FARP1: variants seen among roughly 807,000 people sequenced by gnomAD.
FARP1 encodes the protein FERM, ARH/RhoGEF and pleckstrin domain protein 1, also known as FERM, ARHGEF and pleckstrin domain-containing protein 1.
FARP1 carries 52 observed loss-of-function variants against 128.8 expected under a neutral mutation model. That is an observed-to-expected ratio of 0.40 (90% CI 0.32 to 0.51). FARP1 has a LOEUF of 0.51. Among genes scored for constraint, FARP1 ranks in the 20% least tolerant of loss-of-function variants. The probability of loss-of-function intolerance (pLI) is 0.45; values close to 1 mark genes in which losing one functional copy is unlikely to be tolerated. For missense variants in FARP1, 1,333 were observed against 1,367.9 expected (o/e 0.97, Z 0.40); for synonymous variants, 580 against 551.8 (o/e 1.05, Z -0.72).
chr13:98,406,642 G>T (rs905771237), intron 13 of FARP1: 3 of 152,256 alleles, frequency 2.0e-5, no homozygotes, highest in African/African-American at 7.2e-5. Flanking sequence ...GCCCCCAGCA[G>T]CCTGTGGGCT....
chr13:98,365,281 G>A (rs1484211214), intron 3 of FARP1, 114 bp from the exon 4 acceptor site: 7 of 705,186 alleles, frequency 9.9e-6, no homozygotes, highest in South Asian at 4.2e-5. Flanking sequence ...TGGAACAGGC[G>A]GCCTCATATC....
chr13:98,291,673 C>G (rs1244432861), intron 2 of FARP1, among the ~76,000 whole-genome samples: 1 of 152,166 alleles, frequency 6.6e-6, no homozygotes, highest in Non-Finnish European at 1.5e-5. Context: ...GGAGTCACTC[C>G]TTGTACTCCC....
At chr13:98,295,626 C>A (rs1211063455) in intron 2 of FARP1, among the ~76,000 whole-genome samples, 3 of 152,068 alleles carry the variant, frequency 2.0e-5, no homozygotes, top group Non-Finnish European at 4.4e-5. Context: ...TGATCTTGTT[C>A]CATAAAGCAT....
intron 1 of FARP1, among the ~76,000 whole-genome samples, chr13:98,152,238 G>C (rs1876065683): frequency 6.6e-6 from 1 of 152,170 alleles, no homozygotes; most frequent in Non-Finnish European, 1.5e-5. Flanking sequence ...TAATTAGACT[G>C]CTGCAGCCTA....
At chr13:98,416,700 C>T (rs1364453321) in intron 16 of FARP1, among the ~76,000 whole-genome samples, 2 of 152,156 alleles carry the variant, frequency 1.3e-5, no homozygotes, top group African/African-American at 2.4e-5. Context: ...GTCAGGACTC[C>T]CAAATGCCAG....
In FARP1 at chr13:98,452,221, T is replaced by C. The variant is rs531634613; in HGVS notation, c.*3904T>C. On this transcript the variant is annotated 3_prime_UTR_variant, in exon 27 of 27. Transcript: ENST00000319562. ...ACATTTTTAGGTGGGAAAGATGATA[T>C]GCAGAATCCACTACAAGGTGCAACA... 7 of 152,328 alleles carry C rather than the reference T, an allele frequency of 4.6e-5. No homozygotes were observed. In the South Asian group the frequency reaches 1.0e-3, roughly 23 times the overall value. The allele number at this position is 152,328 out of a possible 1,614,324, so 9.4% of individuals were successfully genotyped here.
At chr13:98,367,266 C>T (rs1472797997) in intron 4 of FARP1, among the ~76,000 whole-genome samples, 1 of 152,114 alleles carries the variant, frequency 6.6e-6, no homozygotes, top group Non-Finnish European at 1.5e-5. Context: ...AAATGAGTCT[C>T]ATGCCTCAGC....
At chr13:98,278,237 ATGT>A (rs534389891) in intron 2 of FARP1, among the ~76,000 whole-genome samples, 129 of 149,978 alleles carry the variant, frequency 8.6e-4, no homozygotes, top group African/African-American at 2.9e-3. Flanking sequence ...GTGTGAGAAC[ATGT>A]TGTATGTGTG....
intron 1 of FARP1, among the ~76,000 whole-genome samples, chr13:98,148,323 A>T (rs1875726414): frequency 1.3e-5 from 2 of 152,190 alleles, no homozygotes; most frequent in African/African-American, 4.8e-5. Context: ...GGTTGTGGTG[A>T]GCTGAGATTA....
intron 3 of FARP1, among the ~76,000 whole-genome samples, chr13:98,350,869 T>A (rs1234858548): frequency 6.6e-6 from 1 of 152,080 alleles, no homozygotes; most frequent in Non-Finnish European, 1.5e-5. Flanking sequence ...TCCTGCTGGT[T>A]CTGACACTCC....
chr13:98,236,291 C>T (rs1445303185), intron 2 of FARP1, among the ~76,000 whole-genome samples: 1 of 152,146 alleles, frequency 6.6e-6, no homozygotes, highest in African/African-American at 2.4e-5. Flanking sequence ...TAAGCAGCAC[C>T]TGTATGAAAA....
intron 18 of FARP1, chr13:98,434,184 T>C (rs1314649540): frequency 6.6e-6 from 1 of 152,244 alleles, no homozygotes; most frequent in African/African-American, 2.4e-5. Flanking sequence ...TGCCAAGGGC[T>C]GTTCCCAGCA....
At chr13:98,220,667 A>G (rs1405830365) in intron 2 of FARP1, among the ~76,000 whole-genome samples, 2 of 152,160 alleles carry the variant, frequency 1.3e-5, no homozygotes, top group Non-Finnish European at 2.9e-5. Context: ...AATTTTTTTC[A>G]TAAATCATTT....
In FARP1 at chr13:98,205,886, A is replaced by G. The variant is rs1202070701; in HGVS notation, c.-23-7334A>G. On this transcript the variant is annotated intron_variant, in intron 1 of 26. Transcript: ENST00000319562. ...TTATTTCCTGCTAATGTCTTCCCAT[A>G]GCTTCCCTGAACTCTTGTAAATCCT... 3.3e-5 allele frequency among the ~76,000 whole-genome samples: 5 copies of G among 152,088 alleles called. No homozygotes were observed. In the East Asian group the frequency reaches 9.6e-4, roughly 29 times the overall value.
intron 2 of FARP1, among the ~76,000 whole-genome samples, chr13:98,240,832 T>C (rs1036885262): frequency 6.6e-6 from 1 of 152,204 alleles, no homozygotes. Context: ...AGGGAAGGGC[T>C]TTCGGGGAAG....
Position 98,431,102 on chromosome 13 carries a change from C to CA in FARP1, c.1967dup (p.Ser657GlufsTer13). 1 of 1,614,168 alleles carries CA rather than the reference C, an allele frequency of 6.2e-7. No individual in the cohort carries two copies. The highest frequency in any genetic ancestry group is 8.5e-7 in the Non-Finnish European group (1 of 1,180,028). The stretch of plus-strand genomic sequence containing the variant: ...CCTTGGAGGCCCTGGAGAATGGAAT[C>CA]AAGAGCTCCCGGCGGCTGGAGAACT... On this transcript the variant is annotated frameshift_variant, in exon 18 of 27. Transcript: ENST00000319562. LOFTEE classifies it high-confidence loss of function.
Position 98,377,883 on chromosome 13 carries a change from C to G in FARP1, c.461C>G (p.Thr154Ser). 6.2e-7 allele frequency: 1 copy of G among 1,613,704 alleles called. No homozygotes were observed. The highest frequency in any genetic ancestry group is 8.5e-7 in the Non-Finnish European group (1 of 1,179,586). Residue 154 changes from threonine to serine, a missense_variant, in exon 6 of 27, where the codon ACC becomes AGC. Coordinates refer to ENST00000319562, the MANE Select transcript of FARP1 (RefSeq NM_005766.4). ...CAAGGCAGGTTGACGTGTAATGACA[C>G]CAGCGCAGCTCTCTTGATTTCACAC... is the stretch of plus-strand genomic sequence containing the variant. ...LAQGRLTCND[T>S]SAALLISHIV...
chr13:98,339,538 G>T (rs780162480), intron 2 of FARP1, among the ~76,000 whole-genome samples: 35 of 152,160 alleles, frequency 2.3e-4, no homozygotes, highest in Admixed American at 5.2e-4. Context: ...CCATTGTCAT[G>T]TAGTGGGTGC....
chr13:98,379,029 T>G (rs577732464), intron 6 of FARP1, among the ~76,000 whole-genome samples: 1 of 88,920 alleles, frequency 1.1e-5, no homozygotes, highest in Admixed American at 1.4e-4. Context: ...ATATAATATA[T>G]ATAATATATA....
Sources: allele counts gnomAD v4.1 joint callset (sites outside exome capture counted in the v4.1 genomes callset), GRCh38; gene constraint gnomAD v4.1.1; transcripts MANE v1.5; gene names NCBI Gene and HGNC (gene_info 2026-07-23, HGNC 2026-07-21).